The following F12 variants were observed in gnomAD, a reference collection of about 807,000 sequenced individuals.
The protein encoded by F12 is Hageman factor.
A neutral mutation model predicts 74.8 loss-of-function variants in F12; 70 were observed. The ratio of observed to expected loss-of-function variants is 0.94; its 90% CI spans 0.77 to 1.14. The LOEUF is 1.14. Among genes scored for constraint, F12 ranks in the 50% most tolerant of loss-of-function variants. The pLI is 0.00. For synonymous variants in F12, 373 were observed against 356.4 expected, an observed-to-expected ratio of 1.05 and a Z score of -0.52; for missense variants, 811 against 835.7, an observed-to-expected ratio of 0.97 and a Z score of 0.36.
chr5:177,405,823 G>A lies in F12; in HGVS notation c.216-18C>T. ...TAGCACACCTGTAGAAAGAGACAAGGCTTCCCTGCTCTACCCAGGGGCCTG... is the reference window on the plus strand; with the variant it reads ...TAGCACACCTGTAGAAAGAGACAAGACTTCCCTGCTCTACCCAGGGGCCTG... On this transcript the variant is annotated intron_variant, in intron 3 of 13. Coordinates refer to ENST00000253496, the MANE Select transcript of F12 (RefSeq NM_000505.4). 1.2e-6 allele frequency: 2 copies of A among 1,613,940 alleles called. No homozygotes were observed. Among genetic ancestry groups the A allele is most frequent in the Non-Finnish European group, 1.7e-6 (2 of 1,179,878 alleles).
Position 177,404,016 on chromosome 5 carries a change from T to G in F12, c.1093A>C (p.Lys365Gln). 6 of 1,602,096 alleles carry G rather than the reference T, an allele frequency of 3.7e-6. No individual in the cohort carries two copies. The highest frequency in any genetic ancestry group is 5.1e-6 in the Non-Finnish European group (6 of 1,179,626). ...GPLSCGQRLR[K>Q]SLSSMTRVVG... ...ACGCGGGTCATCGAAGACAGACTCT[T>G]GCGGAGCCGCTGCCCGCAGCTCAGT... The change falls in exon 10 of 14, where the codon AAG becomes CAG. Residue 365 changes from lysine (K) to glutamine (Q), a missense_variant. By Grantham distance (53) the Lys-to-Gln change is moderately conservative. Transcript: ENST00000253496.
chr5:177,402,545 C>T lies in F12; in HGVS notation c.1680+5G>A, dbSNP rs1415896673. ...GGAAGGGCGCCAACCGGGCTAAGAG[C>T]TCACCTGGCACGCATCGGTGCCGCC... is the stretch of plus-strand genomic sequence containing the variant. On this transcript the variant is annotated splice_donor_5th_base_variant and intron_variant, in intron 13 of 13. Transcript: ENST00000253496. The T allele has an allele frequency of 1.2e-6, 2 of 1,610,108 alleles. No homozygotes were observed. The highest frequency in any genetic ancestry group is 1.1e-5 in the South Asian group (1 of 90,486).
In F12 at chr5:177,406,018, G is replaced by T; in HGVS notation, c.159C>A (p.Tyr53Ter). Reference protein sequence around the residue: ...TGEPCHFPFQYHRQLYHKCTH... With the variant: ...TGEPCHFPFQ ...TACATTTGTGGTACAGCTGCCGGTG[G>T]TACTGGAAGGGGAAGTGGCAGGGCT... is the stretch of plus-strand genomic sequence containing the variant. The change falls in exon 3 of 14, where the codon TAC becomes TAA. Residue 53 changes from tyrosine to a stop codon, truncating the protein, a stop_gained. Transcript: ENST00000253496. LOFTEE classifies it high-confidence loss of function. The T allele has an allele frequency of 1.2e-6, 2 of 1,614,128 alleles. No individual in the cohort carries two copies. The highest frequency in any genetic ancestry group is 1.7e-6 in the Non-Finnish European group (2 of 1,180,032).
At chr5:177,409,441 T>C in intron 1 of F12, 30 bp downstream of exon 1, 1 of 1,612,092 alleles carries the variant, frequency 6.2e-7, no homozygotes, top group African/African-American at 1.3e-5. Context: ...AGAACAATCC[T>C]GGGACAATCC....
Position 177,403,402 on chromosome 5 carries a change from C to A in F12, c.1388-5G>T. ...CCTCCTGAAGGCGCAACAGAGCTAA[C>A]CCGGGCGGAGAGGAGCGTGAGGCGG... On this transcript the variant is annotated splice_polypyrimidine_tract_variant and splice_region_variant and intron_variant, in intron 11 of 13. Transcript: ENST00000253496. 6.3e-7 allele frequency: 1 copy of A among 1,592,896 alleles called. No homozygotes were observed. The highest frequency in any genetic ancestry group is 8.5e-7 in the Non-Finnish European group (1 of 1,176,416).
intron 12 of F12, 52 bp downstream of exon 12, chr5:177,403,202 C>T: frequency 6.3e-7 from 1 of 1,595,996 alleles, no homozygotes; most frequent in Non-Finnish European, 8.5e-7. Context: ...TCCGCCTAAC[C>T]CAGTGATCAA....
chr5:177,403,961 G>C lies in F12; in HGVS notation c.1148C>G (p.Ala383Gly), dbSNP rs1763213495. The C allele has an allele frequency of 2.5e-6, 4 of 1,601,584 alleles. No individual in the cohort carries two copies. Among genetic ancestry groups the C allele is most frequent in the Non-Finnish European group, 2.5e-6 (3 of 1,178,836 alleles). Reference protein sequence around the residue: ...VVGGLVALRGAHPYIAALYWG... With the variant: ...VVGGLVALRGGHPYIAALYWG... ...GTACAGCGCGGCGATGTAGGGGTGC[G>C]CCCCGCGTAGCGCCACCAGCCCGCC... is the stretch of plus-strand genomic sequence containing the variant. Residue 383 changes from alanine to glycine, a missense_variant, in exon 10 of 14, where the codon GCG (alanine) becomes GGG (glycine). By Grantham distance (60) the Ala-to-Gly change is moderately conservative. Coordinates refer to ENST00000253496, the MANE Select transcript of F12 (RefSeq NM_000505.4).
chr5:177,406,547 C>T (rs921805956), intron 2 of F12, among the ~76,000 whole-genome samples: 7 of 152,070 alleles, frequency 4.6e-5, no homozygotes, highest in Non-Finnish European at 1.0e-4. Flanking sequence ...ACTCCTGACT[C>T]CACAACCTGC....
intron 2 of F12, 83 bp downstream of exon 2, chr5:177,408,963 A>T (rs1297582762): frequency 7.4e-7 from 1 of 1,354,966 alleles, no homozygotes; most frequent in East Asian, 2.5e-5. Flanking sequence ...TAGGCACTAG[A>T]CTAGACTGCC....
chr5:177,406,885 G>A (rs943094417), intron 2 of F12, among the ~76,000 whole-genome samples: 6 of 152,198 alleles, frequency 3.9e-5, no homozygotes, highest in African/African-American at 4.8e-5. Flanking sequence ...AAGGCGTCAC[G>A]CTGCTGCTGC....
rs1301706174 is a variant in F12, at chr5:177,402,235, C to T, written c.*57G>A. The T allele has an allele frequency of 1.2e-6, 2 of 1,602,742 alleles. No individual in the cohort carries two copies. The highest frequency in any genetic ancestry group is 1.7e-6 in the Non-Finnish European group (2 of 1,174,990). ...TGGGACACAATCTTGCCTTCCATGC[C>T]CCAGCCACTCTCTCACTGCGGAATC... On this transcript the variant is annotated 3_prime_UTR_variant, in exon 14 of 14. Transcript: ENST00000253496.
intron 2 of F12, among the ~76,000 whole-genome samples, chr5:177,407,776 C>T (rs1389229699): frequency 7.4e-6 from 1 of 134,824 alleles, no homozygotes; most frequent in East Asian, 1.9e-4. Flanking sequence ...CAGAGCGAGA[C>T]TCCATCTCAA....
In F12 at chr5:177,402,573, C is replaced by G. The variant is rs1381789484; in HGVS notation, c.1657G>C (p.Glu553Gln). ...LPGMLCAGFL[E>Q]GGTDACQGDS... ...ACCTGGCACGCATCGGTGCCGCCCT[C>G]GAGGAACCCTGCGCAGAGCATGCCG... Residue 553 changes from glutamate to glutamine, a missense_variant, in exon 13 of 14, where the codon GAG becomes CAG. Physicochemically the swap from Glu to Gln is conservative, Grantham distance 29. Coordinates refer to ENST00000253496, the MANE Select transcript of F12 (RefSeq NM_000505.4). 6.2e-7 allele frequency: 1 copy of G among 1,612,552 alleles called. No individual in the cohort carries two copies. Among genetic ancestry groups the G allele is most frequent in the Non-Finnish European group, 8.5e-7 (1 of 1,179,706 alleles).
Position 177,404,242 on chromosome 5 carries a change from C to T in F12, c.972G>A (p.Lys324=), listed in dbSNP as rs763932687. Residue 324 remains lysine (K), a synonymous_variant, in exon 9 of 14, where the codon AAG becomes AAA. Transcript: ENST00000253496. The stretch of plus-strand genomic sequence containing the variant: ...GCGGGGTCCGGGTCGTGGGCTGAGG[C>T]TTCGGCGGTGCCGGCTGCGCGGGCA... ...PLMPAQPAPP[K]PQPTTRTPPQ... The T allele has an allele frequency of 3.1e-6, 5 of 1,599,248 alleles. No individual in the cohort carries two copies. The highest frequency in any genetic ancestry group is 3.4e-5 in the Admixed American group (2 of 58,784).
At chr5:177,406,299 T>A (rs546708484) in intron 2 of F12, among the ~76,000 whole-genome samples, 104 of 152,266 alleles carry the variant, frequency 6.8e-4, no homozygotes, top group Middle Eastern at 3.4e-3. Flanking sequence ...CCATCCTGGC[T>A]AATACAGTGA....
At position 177,403,580 on chromosome 5, in the gene F12, C is replaced by T; in HGVS notation, c.1288G>A (p.Glu430Lys). 2 of 1,605,444 alleles carry T rather than the reference C, an allele frequency of 1.2e-6. No homozygotes were observed. Among genetic ancestry groups the T allele is most frequent in the Non-Finnish European group, 1.7e-6 (2 of 1,178,848 alleles). Residue 430 changes from glutamate to lysine, a missense_variant, in exon 11 of 14, where the codon GAA becomes AAA. Coordinates refer to ENST00000253496, the MANE Select transcript of F12 (RefSeq NM_000505.4). ...PEDLTVVLGQ[E>K]RRNHSCEPCQ... ...GGCTCACAGCTGTGGTTACGGCGTT[C>T]CTGGCCGAGCACCACCGTCAGATCC...
intron 2 of F12, 79 bp from the exon 3 acceptor site, chr5:177,406,140 A>G: frequency 3.0e-6 from 4 of 1,312,120 alleles, no homozygotes; most frequent in Non-Finnish European, 4.4e-6. Flanking sequence ...CTGGTCAGGA[A>G]AAGGACAGAC....
chr5:177,403,354 G>A lies in F12; in HGVS notation c.1431C>T (p.Leu477=). ...ACACCGGCTGAACGTAAGGCGACAGGAGCGCGCAGCTGCCGTCCGCATCCT... is the reference window on the plus strand; with the variant it reads ...ACACCGGCTGAACGTAAGGCGACAGAAGCGCGCAGCTGCCGTCCGCATCCT... ...LQEDADGSCA[L]LSPYVQPVCL... is the part of the protein sequence containing the mutation. Residue 477 remains leucine (L), a synonymous_variant, in exon 12 of 14, where the codon CTC becomes CTT. Transcript: ENST00000253496. 4.4e-6 allele frequency: 7 copies of A among 1,599,014 alleles called. No individual in the cohort carries two copies. The highest frequency in any genetic ancestry group is 2.5e-6 in the Non-Finnish European group (3 of 1,179,612).
chr5:177,409,191 C>T, intron 1 of F12, 88 bp from the exon 2 acceptor site: 1 of 1,370,602 alleles, frequency 7.3e-7, no homozygotes, highest in South Asian at 1.2e-5. Context: ...CTCTCACAGC[C>T]CAGAAATGCA....
Sources: allele counts gnomAD v4.1 joint callset (sites outside exome capture counted in the v4.1 genomes callset), GRCh38; gene constraint gnomAD v4.1.1; transcripts MANE v1.5; gene names NCBI Gene and HGNC (gene_info 2026-07-23, HGNC 2026-07-21).